Variants in CAMKMT observed in about 807,000 individuals in gnomAD.
The protein encoded by CAMKMT is CaM KMT.
Under a neutral mutation model 48.0 loss-of-function variants are expected in CAMKMT, and 53 were observed. That is an observed-to-expected ratio of 1.10 (90% CI 0.89 to 1.39). The LOEUF (loss-of-function observed/expected upper bound fraction) is 1.39, where lower values mean the gene tolerates loss of function less well. Among genes scored for constraint, CAMKMT ranks in the 40% most tolerant of loss-of-function variants. The pLI, the probability that CAMKMT is intolerant of heterozygous loss-of-function variation, is 0.00. For missense variants in CAMKMT, 428 were observed against 402.7 expected (o/e 1.06, Z -0.54); for synonymous variants, 165 against 152.3 (o/e 1.08, Z -0.61).
At position 44,496,514 on chromosome 2, in the gene CAMKMT, C is replaced by A. The variant is rs370002657; in HGVS notation, c.376+106209C>A. ...CTTTTGACTAATACAGTTTTTAGAG[C>A]CCATCCTTGTAGGTGACTTGTACGT... On this transcript the variant is annotated intron_variant, in intron 3 of 10. Transcript: ENST00000378494. Among the ~76,000 whole-genome samples, 6 of 152,256 alleles carry A rather than the reference C, an allele frequency of 3.9e-5. No homozygotes were observed. The East Asian group carries it at 1.2e-3, about 29-fold the overall frequency.
Position 44,756,752 on chromosome 2 carries a change from A to G in CAMKMT, c.762+2634A>G, listed in dbSNP as rs528007927. Among the ~76,000 whole-genome samples the G allele has an allele frequency of 1.1e-3, 164 of 151,292 alleles. 2 individuals carry two copies. Among genetic ancestry groups the G allele is most frequent in the South Asian group, 5.6e-3 (27 of 4,780 alleles). ...GCAAGACTCTGTCTCAAAAAAAAAA[A>G]AAAAGAAAAAGAAAAAGAAGCCCAC... On this transcript the variant is annotated intron_variant, in intron 9 of 10. Coordinates refer to ENST00000378494, the MANE Select transcript of CAMKMT (RefSeq NM_024766.5).
chr2:44,752,656 T>C (rs375293890), intron 8 of CAMKMT, among the ~76,000 whole-genome samples: 9 of 152,344 alleles, frequency 5.9e-5, no homozygotes, highest in African/African-American at 1.9e-4. Flanking sequence ...ATTCTCACAG[T>C]TCCAGAGGCT....
chr2:44,592,830 G>A (rs972209020), intron 3 of CAMKMT, among the ~76,000 whole-genome samples: 1 of 152,076 alleles, frequency 6.6e-6, no homozygotes, highest in African/African-American at 2.4e-5. Context: ...ATTGTTTTGT[G>A]GCCTAGAATA....
chr2:44,683,098 T>C (rs1408340348), intron 3 of CAMKMT, among the ~76,000 whole-genome samples: 2 of 152,188 alleles, frequency 1.3e-5, no homozygotes, highest in Admixed American at 1.3e-4. Flanking sequence ...TATTCAGAGA[T>C]TCTGATATTA....
intron 6 of CAMKMT, among the ~76,000 whole-genome samples, chr2:44,708,559 C>A (rs1422808807): frequency 2.6e-5 from 4 of 152,008 alleles, no homozygotes; most frequent in Admixed American, 2.6e-4. Flanking sequence ...CAATCTTGGC[C>A]TTTCACACAA....
At chr2:44,699,591 CT>C (rs1198076460) in intron 3 of CAMKMT, among the ~76,000 whole-genome samples, 1 of 149,942 alleles carries the variant, frequency 6.7e-6, no homozygotes, top group Non-Finnish European at 1.5e-5. Context: ...TGCATAATTC[CT>C]TTTCTCTTAT....
intron 7 of CAMKMT, among the ~76,000 whole-genome samples, chr2:44,734,713 G>A (rs974355096): frequency 6.6e-6 from 1 of 152,016 alleles, no homozygotes; most frequent in Non-Finnish European, 1.5e-5. Flanking sequence ...TGCCCAGCCA[G>A]GGAACATATT....
chr2:44,398,737 G>A (rs1067336), intron 3 of CAMKMT, among the ~76,000 whole-genome samples: 111,281 of 151,750 alleles, frequency 0.73, 41,583 homozygotes, highest in African/African-American at 0.83. Context: ...CTAAAAGGAT[G>A]TTCTTGATTT....
intron 3 of CAMKMT, among the ~76,000 whole-genome samples, chr2:44,654,420 C>T (rs1674254793): frequency 5.3e-5 from 8 of 152,082 alleles, no homozygotes; most frequent in Admixed American, 5.2e-4. Context: ...TACTCTTAAT[C>T]CTAGAAGCCA....
chr2:44,761,808 A>G (rs752833749), intron 9 of CAMKMT, among the ~76,000 whole-genome samples: 1 of 152,192 alleles, frequency 6.6e-6, no homozygotes, highest in Non-Finnish European at 1.5e-5. Flanking sequence ...TGTGTGCTGC[A>G]TTTGATGGAT....
At chr2:44,456,681 C>A in intron 3 of CAMKMT, 1 of 1,418,246 alleles carries the variant, frequency 7.1e-7, no homozygotes, top group Non-Finnish European at 9.6e-7. Context: ...ATGTTTTGGC[C>A]AAGGCATCCT....
intron 3 of CAMKMT, among the ~76,000 whole-genome samples, chr2:44,422,623 C>T (rs1379987122): frequency 6.6e-6 from 1 of 152,098 alleles, no homozygotes; most frequent in African/African-American, 2.4e-5. Flanking sequence ...TGTATTTTGC[C>T]TTACTCCCTC....
At chr2:44,583,054 C>A (rs1297973315) in intron 3 of CAMKMT, among the ~76,000 whole-genome samples, 1 of 152,158 alleles carries the variant, frequency 6.6e-6, no homozygotes, top group Non-Finnish European at 1.5e-5. Flanking sequence ...ACATATAATA[C>A]ATAATAGTCA....
intron 8 of CAMKMT, among the ~76,000 whole-genome samples, chr2:44,748,899 A>G (rs948085474): frequency 2.0e-5 from 3 of 152,178 alleles, no homozygotes; most frequent in South Asian, 4.1e-4. Flanking sequence ...TTTTAAAGAC[A>G]TACTTATAGT....
chr2:44,619,252 C>G (rs1020813347), intron 3 of CAMKMT, among the ~76,000 whole-genome samples: 16 of 152,284 alleles, frequency 1.1e-4, no homozygotes, highest in African/African-American at 3.8e-4. Context: ...TTAAAGATTA[C>G]TGAATAGTCT....
chr2:44,558,019 T>TTTTA (rs555250948), intron 3 of CAMKMT, among the ~76,000 whole-genome samples: 3 of 149,570 alleles, frequency 2.0e-5, no homozygotes, highest in East Asian at 3.9e-4. Flanking sequence ...CTATTGTGAG[T>TTTTA]TTTATTTATT....
chr2:44,521,432 C>A (rs1671103983), intron 3 of CAMKMT, among the ~76,000 whole-genome samples: 2 of 152,096 alleles, frequency 1.3e-5, no homozygotes, highest in South Asian at 2.1e-4. Context: ...GTGTGCACCA[C>A]CACACCTGGC....
intron 3 of CAMKMT, among the ~76,000 whole-genome samples, chr2:44,438,769 C>T (rs994304749): frequency 2.0e-5 from 3 of 152,178 alleles, no homozygotes; most frequent in Non-Finnish European, 4.4e-5. Context: ...ACAATCACGG[C>T]TCGCTGCAGC....
At chr2:44,386,724 C>A (rs537770152) in intron 2 of CAMKMT, among the ~76,000 whole-genome samples, 1 of 152,142 alleles carries the variant, frequency 6.6e-6, no homozygotes, top group South Asian at 2.1e-4. Context: ...TCATTATTGT[C>A]ATTCAGTTCG....
Sources: allele counts gnomAD v4.1 joint callset (sites outside exome capture counted in the v4.1 genomes callset), GRCh38; gene constraint gnomAD v4.1.1; transcripts MANE v1.5; gene names NCBI Gene and HGNC (gene_info 2026-07-23, HGNC 2026-07-21).